TMEM165: variants seen among roughly 807,000 people sequenced by gnomAD.
The protein encoded by TMEM165 is putative divalent cation/proton antiporter TMEM165.
In TMEM165, 19 loss-of-function variants were observed where a neutral mutation model predicts 30.0. The ratio of observed to expected loss-of-function variants is 0.63; its 90% CI spans 0.44 to 0.93. TMEM165 has a LOEUF of 0.93. Among genes scored for constraint, TMEM165 ranks in the 40% least tolerant of loss-of-function variants. TMEM165 has a pLI of 0.00. For missense variants in TMEM165, 340 were observed against 417.0 expected (o/e 0.82, Z 1.61); for synonymous variants, 168 against 162.9 (o/e 1.03, Z -0.24).
chr4:55,397,878 C>T (rs1288898407), intron 1 of TMEM165, among the ~76,000 whole-genome samples: 1 of 151,432 alleles, frequency 6.6e-6, no homozygotes, highest in Non-Finnish European at 1.5e-5. Flanking sequence ...GGACTGCATG[C>T]GTGTGCTGAC....
chr4:55,412,979 A>AT (rs1215682265), intron 2 of TMEM165, among the ~76,000 whole-genome samples: 15 of 151,662 alleles, frequency 9.9e-5, no homozygotes, highest in African/African-American at 3.4e-4. Context: ...TTATTTATTT[A>AT]TTTATTTATT....
At chr4:55,443,719 G>C (rs376324115) in intron 3 of TMEM165, 9 of 1,614,080 alleles carry the variant, frequency 5.6e-6, no homozygotes, top group East Asian at 4.5e-5. Flanking sequence ...GTCTGTTGTT[G>C]TATCATGTGC....
intron 1 of TMEM165, among the ~76,000 whole-genome samples, chr4:55,405,091 T>C (rs948634027): frequency 6.6e-6 from 1 of 152,230 alleles, no homozygotes; most frequent in Non-Finnish European, 1.5e-5. Context: ...AAAGACATTC[T>C]CTAAGGCGCA....
At chr4:55,440,747 G>C (rs1314120629) in intron 3 of TMEM165, among the ~76,000 whole-genome samples, 1 of 152,140 alleles carries the variant, frequency 6.6e-6, no homozygotes, top group Non-Finnish European at 1.5e-5. Flanking sequence ...AATGTGATAA[G>C]AATATTTTCT....
chr4:55,397,179 A>C (rs1720760803), intron 1 of TMEM165: 1 of 152,122 alleles, frequency 6.6e-6, no homozygotes, highest in Admixed American at 6.5e-5. Context: ...TGTGGCACTC[A>C]AACCCCCACT....
downstream of TMEM165, among the ~76,000 whole-genome samples, chr4:55,426,476 A>G (rs937195208): frequency 3.9e-5 from 6 of 152,182 alleles, no homozygotes; most frequent in African/African-American, 1.2e-4. Context: ...TTTCATGGCA[A>G]CTTCAGTCGT....
intron 1 of TMEM165, among the ~76,000 whole-genome samples, chr4:55,403,943 T>A (rs946639428): frequency 6.6e-6 from 1 of 152,122 alleles, no homozygotes; most frequent in Non-Finnish European, 1.5e-5. Context: ...GTTCATATGT[T>A]TCTCTTATTT....
chr4:55,422,639 T>A (rs1011311458), intron 4 of TMEM165, among the ~76,000 whole-genome samples: 1 of 151,918 alleles, frequency 6.6e-6, no homozygotes, highest in Non-Finnish European at 1.5e-5. Context: ...AACTTGGGTG[T>A]CATGCTTTAT....
At chr4:55,450,079 A>G (rs1377120921) in intron 3 of TMEM165, 6 of 1,613,992 alleles carry the variant, frequency 3.7e-6, no homozygotes, top group Non-Finnish European at 5.1e-6. Context: ...GCTTTGAAGC[A>G]AGGGTACTCA....
intron 3 of TMEM165, among the ~76,000 whole-genome samples, chr4:55,447,636 T>G (rs527246333): frequency 6.6e-6 from 1 of 152,282 alleles, no homozygotes; most frequent in South Asian, 2.1e-4. Flanking sequence ...TATCCTTTAT[T>G]TCATGAAAAT....
In TMEM165 at chr4:55,402,892, C is replaced by T. The variant is rs891178844; in HGVS notation, c.207+6496C>T. Reference sequence around the variant, plus strand: ...CTGCAAGCTCTGCCTCCCGGGTTCACGCCATTCTCCTGCGTCAGCCTCCCA... The same window carrying T: ...CTGCAAGCTCTGCCTCCCGGGTTCATGCCATTCTCCTGCGTCAGCCTCCCA... On this transcript the variant is annotated intron_variant, in intron 1 of 5. Coordinates refer to ENST00000381334, the MANE Select transcript of TMEM165 (RefSeq NM_018475.5). Among the ~76,000 whole-genome samples, 352 of 140,710 alleles carry T rather than the reference C, an allele frequency of 2.5e-3. 2 individuals are homozygous for T. Among genetic ancestry groups the T allele is most frequent in the African/African-American group, 8.9e-3 (346 of 38,762 alleles). The allele number at this position is 140,710 out of a possible 152,430, so 92.3% of individuals were successfully genotyped here. A position where few individuals can be genotyped will look rare whatever the true frequency, so the allele number is the denominator to read the frequency against.
At chr4:55,416,120 G>A (rs1721709982) in intron 2 of TMEM165, 1 of 152,198 alleles carries the variant, frequency 6.6e-6, no homozygotes, top group Non-Finnish European at 1.5e-5. Context: ...CTCCCAAAGT[G>A]CTGGGATTAC....
intron 4 of TMEM165, among the ~76,000 whole-genome samples, chr4:55,418,935 C>G (rs1265006515): frequency 3.9e-5 from 6 of 151,914 alleles, no homozygotes; most frequent in Non-Finnish European, 8.8e-5. Flanking sequence ...ATCTTAGCTA[C>G]TCAGGAGACT....
In TMEM165 at chr4:55,447,455, T is replaced by C. The variant is rs374354910; in HGVS notation, c.409-4784T>C. Among the ~76,000 whole-genome samples, 5 of 152,344 alleles carry C rather than the reference T, an allele frequency of 3.3e-5. No individual in the cohort carries two copies. The East Asian group carries it at 9.6e-4, about 29-fold the overall frequency. ...TACCTTTGGACAAGCATTATATTGA[T>C]AGCAATATAGCACTTAAAGGATTTC... On this transcript the variant is annotated intron_variant, in intron 3 of 3. Coordinates refer to the TMEM165 transcript ENST00000608091.
chr4:55,396,463 C>T, intron 1 of TMEM165, 67 bp downstream of exon 1: 1 of 1,284,248 alleles, frequency 7.8e-7, no homozygotes, highest in Non-Finnish European at 1.0e-6. Context: ...GGCTCCAGGC[C>T]TTTGAAAGCG....
intron 3 of TMEM165, chr4:55,435,257 G>T: frequency 1.2e-6 from 1 of 803,182 alleles, no homozygotes; most frequent in Non-Finnish European, 2.1e-6. Context: ...TGTAGCACTA[G>T]GCAGCATTTT....
chr4:55,430,050 G>GAAC (rs1722399935), downstream of TMEM165: 1 of 152,144 alleles, frequency 6.6e-6, no homozygotes, highest in Non-Finnish European at 1.5e-5. Context: ...TGAGAAAACA[G>GAAC]AACACACAGG....
At chr4:55,402,883 C>T (rs957680532) in intron 1 of TMEM165, among the ~76,000 whole-genome samples, 3 of 139,414 alleles carry the variant, frequency 2.2e-5, no homozygotes, top group Non-Finnish European at 4.5e-5. Flanking sequence ...GCTCTGCCTC[C>T]CGGGTTCACG....
intron 3 of TMEM165, chr4:55,442,264 C>A (rs184055656): frequency 6.1e-6 from 4 of 658,564 alleles, no homozygotes; most frequent in African/African-American, 5.5e-5. Flanking sequence ...ATTATGAAGT[C>A]TTTAAACAAT....
Sources: allele counts gnomAD v4.1 joint callset (sites outside exome capture counted in the v4.1 genomes callset), GRCh38; gene constraint gnomAD v4.1.1; transcripts MANE v1.5; gene names NCBI Gene and HGNC (gene_info 2026-07-23, HGNC 2026-07-21).